Variants in MYO1E observed in about 807,000 individuals in gnomAD.
The protein encoded by MYO1E is unconventional myosin-Ie.
Under a neutral mutation model 151.1 loss-of-function variants are expected in MYO1E, and 68 were observed. That is an observed-to-expected ratio of 0.45 (90% CI 0.37 to 0.55). The LOEUF is 0.55. Ranked by LOEUF, MYO1E falls within the 20% of genes least tolerant of loss-of-function variation. The pLI, the probability that MYO1E is intolerant of heterozygous loss-of-function variation, is 0.00. For synonymous variants in MYO1E, 601 were observed against 501.7 expected, an observed-to-expected ratio of 1.20 and a Z score of -2.64; for missense variants, 1,363 against 1,389.3, an observed-to-expected ratio of 0.98 and a Z score of 0.30.
intron 1 of MYO1E, among the ~76,000 whole-genome samples, chr15:59,342,192 A>T (rs2080769659): frequency 6.6e-6 from 1 of 152,170 alleles, no homozygotes; most frequent in African/African-American, 2.4e-5. Flanking sequence ...AGAAATGTCT[A>T]TTGATATCTT....
chr15:59,299,573 G>A (rs533925237), intron 1 of MYO1E, among the ~76,000 whole-genome samples: 2 of 152,332 alleles, frequency 1.3e-5, no homozygotes, highest in African/African-American at 4.8e-5. Context: ...GTGAAGAAAT[G>A]GGCTTTGTTG....
intron 9 of MYO1E, among the ~76,000 whole-genome samples, chr15:59,218,745 G>A (rs550901553): frequency 6.6e-6 from 1 of 152,332 alleles, no homozygotes; most frequent in Admixed American, 6.5e-5. Context: ...ATTAGAACAG[G>A]AAGATATTAC....
At chr15:59,207,611 G>A in intron 14 of MYO1E, 1 of 1,614,152 alleles carries the variant, frequency 6.2e-7, no homozygotes, top group Admixed American at 1.7e-5. Context: ...TTCTTGATTG[G>A]ACAAAAGCTT....
At chr15:59,264,019 A>C (rs1347661539) in intron 2 of MYO1E, among the ~76,000 whole-genome samples, 26 of 152,176 alleles carry the variant, frequency 1.7e-4, no homozygotes, top group African/African-American at 6.3e-4. Flanking sequence ...AGCACCAAAT[A>C]ACAACCTATT....
In MYO1E at chr15:59,153,797, G is replaced by T; in HGVS notation, c.2879-6C>A. The T allele has an allele frequency of 1.2e-6, 2 of 1,609,590 alleles. No homozygotes were observed. Among genetic ancestry groups the T allele is most frequent in the Non-Finnish European group, 1.7e-6 (2 of 1,175,916 alleles). ...GACTCCGTTCTGATGGTATCCTAGA[G>T]AGAGGAACAGAGAAGGAAATAAGGC... On this transcript the variant is annotated splice_polypyrimidine_tract_variant and splice_region_variant and intron_variant, in intron 25 of 27. Coordinates refer to ENST00000288235, the MANE Select transcript of MYO1E (RefSeq NM_004998.4).
At chr15:59,225,078 G>T (rs1231977510) in intron 7 of MYO1E, among the ~76,000 whole-genome samples, 1 of 152,216 alleles carries the variant, frequency 6.6e-6, no homozygotes, top group African/African-American at 2.4e-5. Context: ...GCCACCCTCG[G>T]AAGAGTGGAA....
rs1398988107 is a variant in MYO1E, at chr15:59,136,828, G to A, written c.*552C>T. ...GCAAAGTGTAAACCAGTGCCCCTCT[G>A]TCGCCCTGGGCTCAGCAGGCCAGCT... On this transcript the variant is annotated 3_prime_UTR_variant, in exon 28 of 28. Transcript: ENST00000288235. The A allele has an allele frequency of 2.2e-6, 1 of 454,068 alleles. No individual in the cohort carries two copies. The highest frequency in any genetic ancestry group is 2.4e-5 in the Admixed American group (1 of 42,342). The allele number at this position is 454,068 out of a possible 1,614,324, so 28.1% of individuals were successfully genotyped here.
chr15:59,140,102 G>A (rs1455936168), intron 26 of MYO1E, among the ~76,000 whole-genome samples: 2 of 152,030 alleles, frequency 1.3e-5, no homozygotes, highest in South Asian at 2.1e-4. Flanking sequence ...GGGTGGGTGC[G>A]GGAGGCTGTC....
At chr15:59,339,841 A>G (rs1203735896) in intron 1 of MYO1E, among the ~76,000 whole-genome samples, 2 of 135,360 alleles carry the variant, frequency 1.5e-5, no homozygotes, top group Non-Finnish European at 3.1e-5. Context: ...TTATATATAC[A>G]TACTTTTTTT....
At chr15:59,201,651 G>A (rs533987073) in intron 16 of MYO1E, among the ~76,000 whole-genome samples, 378 of 152,160 alleles carry the variant, frequency 2.5e-3, no homozygotes, top group Non-Finnish European at 3.4e-3. Context: ...TGATCCACCC[G>A]CCTCAGCCTC....
rs2140449224 is a variant in MYO1E at position 59,372,633 on chromosome 15, ACAGGAG to A, written c.-139_-134del. On this transcript the variant is annotated 5_prime_UTR_variant, in exon 1 of 28. Transcript: ENST00000288235. The stretch of plus-strand genomic sequence containing the variant: ...ACAGGCTCCCGACACCCAAGCACTC[ACAGGAG>A]CCAATGGGAACCCAGAGGGGACTCC... 1 of 1,192,004 alleles carries A rather than the reference ACAGGAG, an allele frequency of 8.4e-7. No homozygotes were observed. The highest frequency in any genetic ancestry group is 1.4e-5 in the South Asian group (1 of 69,004). 73.8% of individuals were successfully genotyped at this position (1,192,004 alleles called of 1,614,324 possible). A position where few individuals can be genotyped will look rare whatever the true frequency, so the allele number is the denominator to read the frequency against.
intron 4 of MYO1E, among the ~76,000 whole-genome samples, chr15:59,241,641 T>A (rs946670010): frequency 2.0e-5 from 3 of 151,992 alleles, no homozygotes; most frequent in African/African-American, 7.3e-5. Flanking sequence ...GGGACAGAGG[T>A]TGCAGTGAGC....
At chr15:59,151,573 T>C (rs2084161) in intron 26 of MYO1E, among the ~76,000 whole-genome samples, 1 of 152,040 alleles carries the variant, frequency 6.6e-6, no homozygotes, top group Admixed American at 6.5e-5. Flanking sequence ...CTGTGGTCTT[T>C]AGAAGGAAGC....
At chr15:59,336,754 C>G (rs1395505067) in intron 1 of MYO1E, among the ~76,000 whole-genome samples, 1 of 151,818 alleles carries the variant, frequency 6.6e-6, no homozygotes, top group Non-Finnish European at 1.5e-5. Flanking sequence ...AGCCCCCCAC[C>G]CCCTGACAGG....
chr15:59,161,486 G>A (rs1227518098), intron 23 of MYO1E, among the ~76,000 whole-genome samples: 3 of 152,192 alleles, frequency 2.0e-5, no homozygotes, highest in African/African-American at 7.2e-5. Flanking sequence ...GGTACATCTG[G>A]CTAATGTGCC....
At chr15:59,281,551 C>T (rs2080353422) in intron 1 of MYO1E, among the ~76,000 whole-genome samples, 1 of 152,094 alleles carries the variant, frequency 6.6e-6, no homozygotes, top group Non-Finnish European at 1.5e-5. Context: ...GTTAGGATTA[C>T]AGGCGTGAGC....
chr15:59,154,139 A>G (rs1275908712), intron 25 of MYO1E, among the ~76,000 whole-genome samples: 1 of 152,216 alleles, frequency 6.6e-6, no homozygotes, highest in East Asian at 1.9e-4. Flanking sequence ...CCTGGGGTTC[A>G]AAGCCCACAG....
rs1291133504 is a variant in MYO1E at position 59,133,731 on chromosome 15, T to C, written c.*3649A>G. ...TTGTCTACCAAAGACGCACCGTTCA[T>C]GCTCTGCTCTTGATTGCCCTGGAAA... On this transcript the variant is annotated 3_prime_UTR_variant, in exon 28 of 28. Coordinates refer to ENST00000288235, the MANE Select transcript of MYO1E (RefSeq NM_004998.4). 1.3e-5 allele frequency: 2 copies of C among 152,204 alleles called. No individual in the cohort carries two copies. Among genetic ancestry groups the C allele is most frequent in the Admixed American group, 6.5e-5 (1 of 15,278 alleles). The allele number at this position is 152,204 out of a possible 1,614,324, so 9.4% of individuals were successfully genotyped here.
chr15:59,179,970 T>C (rs1596354377), intron 18 of MYO1E, among the ~76,000 whole-genome samples: 2 of 152,364 alleles, frequency 1.3e-5, no homozygotes, highest in South Asian at 4.1e-4. Context: ...CCCTCCTTTG[T>C]TCCCAGAAAC....
Sources: gnomAD v4.1 joint callset for allele counts (sites outside exome capture counted in the v4.1 genomes callset) on GRCh38, gnomAD v4.1.1 for gene constraint, MANE v1.5 for transcripts, NCBI Gene and HGNC (gene_info 2026-07-23, HGNC 2026-07-21) for gene names.